COL25A1: variants seen among roughly 807,000 people sequenced by gnomAD.
COL25A1 encodes collagen type XXV alpha 1 chain.
A neutral mutation model predicts 128.4 loss-of-function variants in COL25A1; 103 were observed. The ratio of observed to expected loss-of-function variants is 0.80; its 90% CI spans 0.68 to 0.94. The LOEUF (loss-of-function observed/expected upper bound fraction) is 0.94. COL25A1 is among the 40% of genes least tolerant of loss of function. The pLI, the probability that COL25A1 is intolerant of heterozygous loss-of-function variation, is 0.00. For missense variants in COL25A1, 745 were observed against 840.0 expected (o/e 0.89, Z 1.40); for synonymous variants, 279 against 277.2 (o/e 1.01, Z -0.06).
chr4:108,901,016 A>T, intron 14 of COL25A1, 103 bp downstream of exon 14: 2 of 844,882 alleles, frequency 2.4e-6, no homozygotes, highest in Non-Finnish European at 4.0e-6. Context: ...ATACCCATGT[A>T]AGTGCAACTG....
intron 3 of COL25A1, among the ~76,000 whole-genome samples, chr4:109,065,520 T>G (rs1762342002): frequency 1.3e-5 from 2 of 148,922 alleles, no homozygotes; most frequent in Admixed American, 6.7e-5. Flanking sequence ...GCAAATACCT[T>G]TTTGGTGCAG....
At chr4:109,007,017 T>C (rs1279842484) in intron 6 of COL25A1, among the ~76,000 whole-genome samples, 1 of 152,220 alleles carries the variant, frequency 6.6e-6, no homozygotes, top group Non-Finnish European at 1.5e-5. Context: ...CACGTTTACC[T>C]GTGTAACAAA....
chr4:108,942,603 C>T (rs1748253161), intron 8 of COL25A1, among the ~76,000 whole-genome samples: 2 of 152,022 alleles, frequency 1.3e-5, no homozygotes, highest in African/African-American at 2.4e-5. Context: ...GCCACCACGC[C>T]CAGCTAAGTT....
chr4:108,834,197 C>T (rs1733499607), intron 31 of COL25A1, among the ~76,000 whole-genome samples: 3 of 152,198 alleles, frequency 2.0e-5, no homozygotes, highest in Admixed American at 2.0e-4. Flanking sequence ...GTCCACCTTT[C>T]CCCCTTTTGC....
intron 6 of COL25A1, among the ~76,000 whole-genome samples, chr4:108,978,569 C>G (rs567998823): frequency 2.6e-5 from 4 of 151,942 alleles, no homozygotes; most frequent in African/African-American, 9.7e-5. Flanking sequence ...ATTAAAAAAG[C>G]TAACTAGTAT....
At chr4:108,855,067 C>T (rs1736314987) in intron 24 of COL25A1, among the ~76,000 whole-genome samples, 1 of 152,004 alleles carries the variant, frequency 6.6e-6, no homozygotes, top group East Asian at 1.9e-4. Flanking sequence ...AGAACATTTC[C>T]TTTAGGGACT....
At chr4:109,263,130 AAACAACAAC>A (rs5860976) in intron 3 of COL25A1, among the ~76,000 whole-genome samples, 1 of 151,076 alleles carries the variant, frequency 6.6e-6, no homozygotes, top group Admixed American at 6.6e-5. Flanking sequence ...CTCTGTCTCA[AAACAACAAC>A]AACAACAACA....
intron 2 of COL25A1, 40 bp from the exon 3 acceptor site, chr4:109,300,692 C>T (rs927893003): frequency 1.4e-6 from 2 of 1,405,452 alleles, no homozygotes; most frequent in African/African-American, 2.8e-5. Flanking sequence ...ATCAGTAGCA[C>T]TGTAGAGGGA....
chr4:108,877,010 C>T (rs1027114316), intron 19 of COL25A1, among the ~76,000 whole-genome samples: 3 of 152,160 alleles, frequency 2.0e-5, no homozygotes, highest in Non-Finnish European at 2.9e-5. Context: ...TGGCAACTAA[C>T]CTGGGGTTCA....
At chr4:108,886,482 G>T (rs1274607182) in intron 18 of COL25A1, among the ~76,000 whole-genome samples, 1,224 of 106,212 alleles carry the variant, frequency 0.012, 49 homozygotes, top group East Asian at 0.068. Context: ...GTGTGTGTGT[G>T]TGTGTGTGTG....
chr4:109,010,487 A>G, intron 5 of COL25A1, 112 bp from the exon 6 acceptor site: 1 of 740,170 alleles, frequency 1.4e-6, no homozygotes, highest in Non-Finnish European at 2.2e-6. Flanking sequence ...TTCTGAAGAT[A>G]ATATCCTAAC....
intron 3 of COL25A1, among the ~76,000 whole-genome samples, chr4:109,081,172 G>T (rs1253082900): frequency 6.6e-6 from 1 of 151,978 alleles, no homozygotes; most frequent in Non-Finnish European, 1.5e-5. Context: ...TTTTATGCTT[G>T]ACCGGAACAA....
At chr4:109,106,774 G>T (rs539326255) in intron 3 of COL25A1, among the ~76,000 whole-genome samples, 12 of 151,030 alleles carry the variant, frequency 7.9e-5, no homozygotes, top group African/African-American at 2.4e-4. Flanking sequence ...AAATTTTTTG[G>T]GGGGGTGGGA....
At chr4:109,040,911 G>A (rs1439364352) in intron 5 of COL25A1, among the ~76,000 whole-genome samples, 1 of 151,866 alleles carries the variant, frequency 6.6e-6, no homozygotes, top group Non-Finnish European at 1.5e-5. Flanking sequence ...AGTATCCTGG[G>A]GAGAGAAAGG....
chr4:108,859,669 T>C lies in COL25A1; in HGVS notation c.1307A>G (p.His436Arg), dbSNP rs1464803753. 1.9e-6 allele frequency: 3 copies of C among 1,613,636 alleles called. No individual in the cohort carries two copies. The highest frequency in any genetic ancestry group is 3.3e-5 in the Admixed American group (2 of 59,924). ...CCAGTCACTTGCCTGTAAGGCTTCG[T>C]GGAGGTTGCCGTTGTAGTCTATGAT... The part of the protein sequence containing the change: ...TEIIDYNGNL[H>R]EALQRITTLT... Residue 436 changes from histidine to arginine, a missense_variant, in exon 24 of 38, where the codon CAC (histidine) becomes CGC (arginine). Coordinates refer to ENST00000399132, the MANE Select transcript of COL25A1 (RefSeq NM_198721.4).
intron 3 of COL25A1, among the ~76,000 whole-genome samples, chr4:109,207,161 A>G (rs1020145569): frequency 6.6e-6 from 1 of 152,162 alleles, no homozygotes; most frequent in African/African-American, 2.4e-5. Context: ...CTTTGCTTTT[A>G]GGGGAAGAGC....
chr4:109,069,853 T>A (rs1762763113), intron 3 of COL25A1, among the ~76,000 whole-genome samples: 1 of 152,098 alleles, frequency 6.6e-6, no homozygotes, highest in Non-Finnish European at 1.5e-5. Context: ...TATTCATATA[T>A]GAAATAAGCA....
chr4:109,051,196 T>A (rs1249410765), intron 3 of COL25A1, among the ~76,000 whole-genome samples: 8 of 152,112 alleles, frequency 5.3e-5, no homozygotes, highest in African/African-American at 1.9e-4. Context: ...TTTAGAAAGT[T>A]CAAGACACAG....
chr4:109,134,306 C>T (rs758151634), intron 3 of COL25A1, among the ~76,000 whole-genome samples: 3 of 151,500 alleles, frequency 2.0e-5, no homozygotes, highest in Non-Finnish European at 4.4e-5. Context: ...ATAGATTAGA[C>T]AGAAGGTGGA....
Sources: gnomAD v4.1 joint callset for allele counts (sites outside exome capture counted in the v4.1 genomes callset) on GRCh38, gnomAD v4.1.1 for gene constraint, MANE v1.5 for transcripts, NCBI Gene and HGNC (gene_info 2026-07-23, HGNC 2026-07-21) for gene names.